FAT3: variants seen among roughly 807,000 people sequenced by gnomAD.
FAT3 encodes protocadherin Fat 3.
Under a neutral mutation model 310.2 loss-of-function variants are expected in FAT3, and 95 were observed. The observed-to-expected ratio is 0.31, with a 90% CI of 0.26 to 0.36. FAT3 has a LOEUF of 0.36. Among genes scored for constraint, FAT3 ranks in the 10% least tolerant of loss-of-function variants. The pLI, the probability that FAT3 is intolerant of heterozygous loss-of-function variation, is 1.00. For synonymous variants in FAT3, 2,314 were observed against 2,192.9 expected, an observed-to-expected ratio of 1.06 and a Z score of -1.54; for missense variants, 5,408 against 5,715.6, an observed-to-expected ratio of 0.95 and a Z score of 1.74.
chr11:92,333,054 A>G (rs1251953320), intron 1 of FAT3, among the ~76,000 whole-genome samples: 2 of 152,204 alleles, frequency 1.3e-5, no homozygotes, highest in African/African-American at 2.4e-5. Context: ...GAAATTTTAG[A>G]TAATTGATGG....
At chr11:92,441,181 T>G (rs1270446174) in intron 2 of FAT3, among the ~76,000 whole-genome samples, 1 of 152,252 alleles carries the variant, frequency 6.6e-6, no homozygotes, top group Non-Finnish European at 1.5e-5. Context: ...CCACATTCTT[T>G]GAATTCTCTA....
At chr11:92,520,511 A>G (rs145221622) in intron 2 of FAT3, among the ~76,000 whole-genome samples, 3 of 152,072 alleles carry the variant, frequency 2.0e-5, no homozygotes, top group Admixed American at 6.6e-5. Flanking sequence ...AAAAGTAATA[A>G]AGAATGCATT....
chr11:92,300,333 T>C (rs1295394460), intron 1 of FAT3, among the ~76,000 whole-genome samples: 1 of 152,162 alleles, frequency 6.6e-6, no homozygotes, highest in Non-Finnish European at 1.5e-5. Flanking sequence ...TTTATGTTCC[T>C]GTGAGAGTTT....
At position 92,266,330 on chromosome 11, in the gene FAT3, T is replaced by C. The variant is rs16917277; in HGVS notation, c.-18+41156T>C. On this transcript the variant is annotated intron_variant, in intron 1 of 27. Coordinates refer to ENST00000525166, the MANE Select transcript of FAT3 (RefSeq NM_001367949.2). ...TCGACAATGTATTTTCTCTTTAGTA[T>C]GGGCAGGAGCTGAGGAAGTGTCTTC... Among the ~76,000 whole-genome samples the C allele has an allele frequency of 9.3e-3, 1,414 of 152,262 alleles. 18 individuals carry two copies. Among genetic ancestry groups the C allele is most frequent in the African/African-American group, 0.032 (1,329 of 41,554 alleles).
chr11:92,340,721 G>A (rs899216470), intron 1 of FAT3, among the ~76,000 whole-genome samples: 4 of 152,166 alleles, frequency 2.6e-5, no homozygotes, highest in Non-Finnish European at 4.4e-5. Context: ...AATATTCTGT[G>A]GGTAGTCCCA....
chr11:92,618,346 TG>T (rs1277360151), intron 3 of FAT3, among the ~76,000 whole-genome samples: 1 of 152,188 alleles, frequency 6.6e-6, no homozygotes, highest in African/African-American at 2.4e-5. Flanking sequence ...GTATTAGGGG[TG>T]GGAGTGTCCC....
chr11:92,855,150 G>C (rs1948937585), intron 19 of FAT3, among the ~76,000 whole-genome samples: 1 of 152,206 alleles, frequency 6.6e-6, no homozygotes, highest in Admixed American at 6.5e-5. Context: ...TGTGCAGGCT[G>C]TCAGAGACTG....
At chr11:92,579,591 T>G (rs1387115694) in intron 3 of FAT3, among the ~76,000 whole-genome samples, 1 of 152,090 alleles carries the variant, frequency 6.6e-6, no homozygotes, top group East Asian at 1.9e-4. Context: ...TACTTCAATA[T>G]GTGAAGTCTA....
At chr11:92,428,354 C>A (rs536281363) in intron 2 of FAT3, among the ~76,000 whole-genome samples, 1 of 148,036 alleles carries the variant, frequency 6.8e-6, no homozygotes, top group South Asian at 2.1e-4. Context: ...TGATTTTTTC[C>A]AAGGGTTCTT....
chr11:92,570,700 G>C (rs1301390607), intron 3 of FAT3, among the ~76,000 whole-genome samples: 3 of 152,228 alleles, frequency 2.0e-5, no homozygotes, highest in East Asian at 1.9e-4. Flanking sequence ...TTTGCTAAGA[G>C]CAAGCTCTAT....
chr11:92,507,381 A>G (rs1953138067), intron 2 of FAT3, among the ~76,000 whole-genome samples: 1 of 152,138 alleles, frequency 6.6e-6, no homozygotes, highest in African/African-American at 2.4e-5. Context: ...ATAGGAAAGC[A>G]AAGAGTTTAT....
At chr11:92,398,278 A>T (rs1226161101) in intron 2 of FAT3, among the ~76,000 whole-genome samples, 2 of 152,066 alleles carry the variant, frequency 1.3e-5, no homozygotes, top group Non-Finnish European at 2.9e-5. Context: ...AGGCGGGTGG[A>T]TCACCTGAGG....
intron 3 of FAT3, among the ~76,000 whole-genome samples, chr11:92,592,407 C>T (rs937314280): frequency 1.3e-4 from 20 of 150,156 alleles, no homozygotes; most frequent in Middle Eastern, 3.2e-3. Flanking sequence ...CTGCAACCTC[C>T]ACCTCCCAGG....
chr11:92,322,077 G>A (rs1260556226), intron 1 of FAT3, among the ~76,000 whole-genome samples: 1 of 152,104 alleles, frequency 6.6e-6, no homozygotes, highest in African/African-American at 2.4e-5. Flanking sequence ...TAAGGTCCAA[G>A]AAGAAAACAT....
chr11:92,589,844 C>T (rs1939340265), intron 3 of FAT3, among the ~76,000 whole-genome samples: 2 of 152,026 alleles, frequency 1.3e-5, no homozygotes, highest in African/African-American at 4.8e-5. Flanking sequence ...TAAAGGGATG[C>T]TTAAATACAG....
chr11:92,354,306 G>A lies in FAT3; in HGVS notation c.2194G>A (p.Asp732Asn). The A allele has an allele frequency of 3.1e-6, 5 of 1,613,744 alleles. No homozygotes were observed. Among genetic ancestry groups the A allele is most frequent in the Non-Finnish European group, 4.2e-6 (5 of 1,179,826 alleles). The change falls in exon 2 of 28, where the codon GAT (aspartate) becomes AAT (asparagine). Residue 732 changes from aspartate (D) to asparagine (N), a missense_variant. By Grantham distance (23) the Asp-to-Asn change is conservative. Coordinates refer to ENST00000525166, the MANE Select transcript of FAT3 (RefSeq NM_001367949.2). The part of the protein sequence containing the change: ...GPYFDKSFPS[D>N]VAVKEDLPVG... ...ATATTTTGACAAGTCTTTTCCTTCT[G>A]ATGTGGCTGTAAAGGAGGATCTGCC...
At chr11:92,790,801 A>G (rs1256701576) in intron 8 of FAT3, among the ~76,000 whole-genome samples, 1 of 152,220 alleles carries the variant, frequency 6.6e-6, no homozygotes, top group Non-Finnish European at 1.5e-5. Flanking sequence ...CTTTTAAAGT[A>G]GTGTTTAGCT....
intron 7 of FAT3, among the ~76,000 whole-genome samples, chr11:92,780,675 A>C: frequency 6.6e-6 from 1 of 152,158 alleles, no homozygotes; most frequent in African/African-American, 2.4e-5. Context: ...AATGCAGGAA[A>C]AGAAACTCAC....
intron 2 of FAT3, among the ~76,000 whole-genome samples, chr11:92,450,323 C>T (rs958107415): frequency 1.3e-5 from 2 of 152,210 alleles, no homozygotes; most frequent in African/African-American, 4.8e-5. Context: ...ACAGCTTGCA[C>T]AGCCTTCTTG....
Sources: allele counts gnomAD v4.1 joint callset (sites outside exome capture counted in the v4.1 genomes callset), GRCh38; gene constraint gnomAD v4.1.1; transcripts MANE v1.5; gene names NCBI Gene and HGNC (gene_info 2026-07-23, HGNC 2026-07-21).